The following TBC1D22A variants were observed in gnomAD, a reference collection of about 807,000 sequenced individuals.
TBC1D22A encodes TBC1 domain family member 22A.
Under a neutral mutation model 60.2 loss-of-function variants are expected in TBC1D22A, and 38 were observed. That is an observed-to-expected ratio of 0.63 (90% CI 0.49 to 0.83). The LOEUF is 0.83. Ranked by LOEUF, TBC1D22A falls within the 40% of genes least tolerant of loss-of-function variation. TBC1D22A has a pLI of 0.00. For synonymous variants in TBC1D22A, 302 were observed against 281.7 expected (o/e 1.07, Z -0.72); for missense variants, 628 against 701.0 (o/e 0.90, Z 1.18).
At chr22:47,127,708 G>A (rs921628186) in intron 12 of TBC1D22A, among the ~76,000 whole-genome samples, 11 of 152,106 alleles carry the variant, frequency 7.2e-5, no homozygotes, top group African/African-American at 2.7e-4. Flanking sequence ...GAATGTGAGT[G>A]GCAGGCACTG....
At chr22:46,946,986 A>T (rs1433276886) in intron 8 of TBC1D22A, among the ~76,000 whole-genome samples, 1 of 152,148 alleles carries the variant, frequency 6.6e-6, no homozygotes, top group Non-Finnish European at 1.5e-5. Context: ...AGTGGCCTGA[A>T]TATTGAGCCG....
chr22:46,980,996 A>C (rs531614613), intron 9 of TBC1D22A, among the ~76,000 whole-genome samples: 2 of 152,378 alleles, frequency 1.3e-5, no homozygotes, highest in East Asian at 3.9e-4. Context: ...AGACACCGAA[A>C]CCACAAGGAG....
In TBC1D22A at chr22:47,087,253, A is replaced by G. The variant is rs1704208405; in HGVS notation, c.1330-24255A>G. 2.6e-5 allele frequency among the ~76,000 whole-genome samples: 4 copies of G among 152,386 alleles called. No homozygotes were observed. The South Asian group carries it at 8.3e-4, about 32-fold the overall frequency. ...AACCAATGAAAAAGGGTTATAGTCT[A>G]TATGGGGAAGATGAGATACAAAGGG... On this transcript the variant is annotated intron_variant, in intron 11 of 12. Transcript: ENST00000337137.
Position 47,072,305 on chromosome 22 carries a change from C to T in TBC1D22A, c.1329+35107C>T, listed in dbSNP as rs562611146. ...CAGTCCCCACTCGTCCAGGCCACAG[C>T]TTCTCCTTTGGGGCCACTCTGCCTC... On this transcript the variant is annotated intron_variant, in intron 11 of 12. Coordinates refer to ENST00000337137, the MANE Select transcript of TBC1D22A (RefSeq NM_014346.5). Among the ~76,000 whole-genome samples, 26 of 152,334 alleles carry T rather than the reference C, an allele frequency of 1.7e-4. No individual in the cohort carries two copies. The South Asian group carries it at 5.4e-3, about 32-fold the overall frequency.
intron 12 of TBC1D22A, among the ~76,000 whole-genome samples, chr22:47,124,993 G>A (rs1356367737): frequency 6.6e-6 from 1 of 152,112 alleles, no homozygotes; most frequent in Non-Finnish European, 1.5e-5. Context: ...GTAAAGGAGG[G>A]AGGGGCAGGG....
chr22:46,998,401 T>C (rs1319195574), intron 10 of TBC1D22A, among the ~76,000 whole-genome samples: 1 of 152,194 alleles, frequency 6.6e-6, no homozygotes, highest in Non-Finnish European at 1.5e-5. Flanking sequence ...GTATTTGTGA[T>C]ACCAGCTGGT....
chr22:47,169,983 C>G (rs1434164611), intron 12 of TBC1D22A, among the ~76,000 whole-genome samples: 1 of 152,238 alleles, frequency 6.6e-6, no homozygotes, highest in Non-Finnish European at 1.5e-5. Flanking sequence ...CCCGTGGTGG[C>G]CCCTCTGCCT....
intron 11 of TBC1D22A, among the ~76,000 whole-genome samples, chr22:47,075,529 G>A (rs1016195332): frequency 6.6e-6 from 1 of 152,078 alleles, no homozygotes; most frequent in Non-Finnish European, 1.5e-5. Flanking sequence ...GTGTTAAAGG[G>A]TGACCACTAT....
At chr22:47,173,375 C>A in intron 12 of TBC1D22A, 123 bp from the exon 13 acceptor site, 1 of 1,326,906 alleles carries the variant, frequency 7.5e-7, no homozygotes, top group East Asian at 2.4e-5. Context: ...CTGGATCACC[C>A]GCCCTGCACC....
chr22:47,006,142 G>A (rs1475123038), intron 10 of TBC1D22A, among the ~76,000 whole-genome samples: 1 of 152,158 alleles, frequency 6.6e-6, no homozygotes, highest in South Asian at 2.1e-4. Context: ...ATATTCTTGG[G>A]GAATGTGTTG....
chr22:47,098,685 C>G (rs1421759155), intron 11 of TBC1D22A, among the ~76,000 whole-genome samples: 3 of 152,236 alleles, frequency 2.0e-5, no homozygotes, highest in Admixed American at 2.0e-4. Flanking sequence ...GTTAGGCTGC[C>G]CTGGGGACAG....
At chr22:46,893,969 G>T (rs1339471900) in intron 6 of TBC1D22A, among the ~76,000 whole-genome samples, 1 of 152,260 alleles carries the variant, frequency 6.6e-6, no homozygotes, top group Non-Finnish European at 1.5e-5. Context: ...ATAAGTGGCA[G>T]AGTGATGATG....
At chr22:46,912,942 A>G (rs1447040479) in intron 8 of TBC1D22A, among the ~76,000 whole-genome samples, 1 of 152,150 alleles carries the variant, frequency 6.6e-6, no homozygotes, top group East Asian at 1.9e-4. Flanking sequence ...ATCTTCTTTA[A>G]TTGCGTTTCT....
intron 5 of TBC1D22A, among the ~76,000 whole-genome samples, chr22:46,880,905 T>C (rs2067818156): frequency 6.6e-6 from 1 of 152,138 alleles, no homozygotes; most frequent in Non-Finnish European, 1.5e-5. Context: ...GCAAAGCTTG[T>C]CGTTGCAAAT....
chr22:46,812,518 G>A (rs769671895), intron 4 of TBC1D22A, among the ~76,000 whole-genome samples: 4 of 152,148 alleles, frequency 2.6e-5, no homozygotes, highest in South Asian at 2.1e-4. Context: ...TCACAGCCTC[G>A]TCAGCCACTC....
At chr22:47,033,121 G>C (rs977800220) in intron 10 of TBC1D22A, among the ~76,000 whole-genome samples, 1 of 152,208 alleles carries the variant, frequency 6.6e-6, no homozygotes, top group African/African-American at 2.4e-5. Flanking sequence ...GTTCAGACTT[G>C]AATTCCACGT....
chr22:46,973,285 G>C (rs746044742), intron 8 of TBC1D22A, among the ~76,000 whole-genome samples: 3 of 152,166 alleles, frequency 2.0e-5, no homozygotes, highest in African/African-American at 7.2e-5. Flanking sequence ...CAGGCTGCTC[G>C]GCATAGCCAC....
At chr22:46,965,671 C>T (rs1274174125) in intron 8 of TBC1D22A, among the ~76,000 whole-genome samples, 1 of 152,218 alleles carries the variant, frequency 6.6e-6, no homozygotes, top group Non-Finnish European at 1.5e-5. Flanking sequence ...GTAACTAATA[C>T]ACACAGGCAG....
chr22:46,967,575 CT>C (rs2073862082), intron 8 of TBC1D22A, among the ~76,000 whole-genome samples: 1 of 152,234 alleles, frequency 6.6e-6, no homozygotes, highest in Non-Finnish European at 1.5e-5. Flanking sequence ...CCCGTCGGGG[CT>C]GGCTCTTACC....
Sources: gnomAD v4.1 joint callset for allele counts (sites outside exome capture counted in the v4.1 genomes callset) on GRCh38, gnomAD v4.1.1 for gene constraint, MANE v1.5 for transcripts, NCBI Gene and HGNC (gene_info 2026-07-23, HGNC 2026-07-21) for gene names.